ZSWIM6: variants seen among roughly 807,000 people sequenced by gnomAD.
ZSWIM6 encodes the protein zinc finger SWIM domain-containing protein 6.
Under a neutral mutation model 113.2 loss-of-function variants are expected in ZSWIM6, and 9 were observed. The ratio of observed to expected loss-of-function variants is 0.08; its 90% confidence interval spans 0.05 to 0.14. The LOEUF (loss-of-function observed/expected upper bound fraction) is 0.14. ZSWIM6 is among the 10% of genes least tolerant of loss of function. The pLI is 1.00. For synonymous variants in ZSWIM6, 611 were observed against 606.5 expected, an observed-to-expected ratio of 1.01 and a Z score of -0.11; for missense variants, 1,162 against 1,552.2, an observed-to-expected ratio of 0.75 and a Z score of 4.22.
intron 4 of ZSWIM6, among the ~76,000 whole-genome samples, chr5:61,500,285 C>T (rs1240415391): frequency 3.3e-5 from 5 of 151,862 alleles, no homozygotes; most frequent in African/African-American, 1.2e-4. Flanking sequence ...GGTTGCCACA[C>T]CTGGCTAATT....
chr5:61,346,121 T>G (rs1744653611), intron 1 of ZSWIM6, among the ~76,000 whole-genome samples: 1 of 150,792 alleles, frequency 6.6e-6, no homozygotes, highest in Non-Finnish European at 1.5e-5. Flanking sequence ...ATTTTTGTGT[T>G]TTTTTTTTAG....
intron 1 of ZSWIM6, among the ~76,000 whole-genome samples, chr5:61,348,227 A>G (rs1191267856): frequency 6.6e-6 from 1 of 152,162 alleles, no homozygotes; most frequent in African/African-American, 2.4e-5. Flanking sequence ...TCAAAAAAAC[A>G]AAAAACAAAA....
At chr5:61,352,455 T>C (rs1017530199) in intron 1 of ZSWIM6, among the ~76,000 whole-genome samples, 2 of 152,224 alleles carry the variant, frequency 1.3e-5, no homozygotes, top group African/African-American at 4.8e-5. Context: ...GGAAGTGGTG[T>C]TTTACTTTGG....
At chr5:61,496,724 A>G (rs1033602776) in intron 4 of ZSWIM6, among the ~76,000 whole-genome samples, 1 of 152,160 alleles carries the variant, frequency 6.6e-6, no homozygotes, top group Non-Finnish European at 1.5e-5. Flanking sequence ...CTGTGAGACA[A>G]TAGTGTTCCC....
At chr5:61,479,991 TAATA>T (rs1747812803) in intron 2 of ZSWIM6, among the ~76,000 whole-genome samples, 1 of 152,184 alleles carries the variant, frequency 6.6e-6, no homozygotes, top group African/African-American at 2.4e-5. Flanking sequence ...TGATCTCTTT[TAATA>T]AATCTGAAGA....
chr5:61,502,125 A>C (rs1307687041), intron 4 of ZSWIM6, among the ~76,000 whole-genome samples: 1 of 152,126 alleles, frequency 6.6e-6, no homozygotes, highest in Admixed American at 6.5e-5. Flanking sequence ...AAGTGGCAGC[A>C]TAGAAAAATT....
intron 1 of ZSWIM6, among the ~76,000 whole-genome samples, chr5:61,354,531 T>C (rs1278060142): frequency 6.6e-6 from 1 of 152,220 alleles, no homozygotes; most frequent in Non-Finnish European, 1.5e-5. Flanking sequence ...TATGTAATTA[T>C]CACACTACTC....
At chr5:61,531,867 C>T (rs2112277673) in intron 9 of ZSWIM6, 142 bp downstream of exon 9, 8 of 927,624 alleles carry the variant, frequency 8.6e-6, no homozygotes, top group Middle Eastern at 3.5e-4. Context: ...AAGACATGTT[C>T]GCTGTCTAAA....
At chr5:61,409,403 A>T (rs994237787) in intron 1 of ZSWIM6, among the ~76,000 whole-genome samples, 2 of 152,216 alleles carry the variant, frequency 1.3e-5, no homozygotes, top group Non-Finnish European at 2.9e-5. Context: ...CAAAAGATCA[A>T]AAAAGGAGAG....
intron 1 of ZSWIM6, among the ~76,000 whole-genome samples, chr5:61,374,337 A>G (rs572270226): frequency 1.3e-5 from 2 of 152,246 alleles, no homozygotes; most frequent in Admixed American, 6.5e-5. Flanking sequence ...AAACTCAGGG[A>G]ATCTGCTATT....
Position 61,429,132 on chromosome 5 carries a change from CTA to C in ZSWIM6, c.677-43548_677-43547del, listed in dbSNP as rs546214328. Among the ~76,000 whole-genome samples the C allele has an allele frequency of 3.5e-4, 54 of 152,364 alleles. 1 individual carries two copies. In the South Asian group the frequency reaches 8.7e-3, roughly 25 times the overall value. The stretch of plus-strand genomic sequence containing the variant: ...GTGTTGGGGGGACAGTCAAGTGTTG[CTA>C]CTCATTTGAGGTTCATATTCTGACA... On this transcript the variant is annotated intron_variant, in intron 1 of 13. Transcript: ENST00000252744.
At chr5:61,338,622 C>T (rs539763610) in intron 1 of ZSWIM6, among the ~76,000 whole-genome samples, 3 of 152,278 alleles carry the variant, frequency 2.0e-5, no homozygotes, top group South Asian at 2.1e-4. Context: ...ACTTAGTTCT[C>T]TGAAGGATAA....
At chr5:61,375,711 T>C in intron 1 of ZSWIM6, 1 of 1,547,362 alleles carries the variant, frequency 6.5e-7, no homozygotes, top group Non-Finnish European at 8.7e-7. Flanking sequence ...AATCAGAGTA[T>C]ATTGAGGAGG....
At chr5:61,371,662 G>A (rs905046863) in intron 1 of ZSWIM6, among the ~76,000 whole-genome samples, 5 of 152,150 alleles carry the variant, frequency 3.3e-5, no homozygotes, top group African/African-American at 1.2e-4. Context: ...TGTACCAGGC[G>A]TCCAGGGAGC....
At chr5:61,437,461 G>A (rs1247951926) in intron 1 of ZSWIM6, among the ~76,000 whole-genome samples, 1 of 152,010 alleles carries the variant, frequency 6.6e-6, no homozygotes, top group Admixed American at 6.6e-5. Context: ...GGTGGCTCAC[G>A]CCTGTAGTCC....
rs113858983 is a variant in ZSWIM6, at chr5:61,454,684, C to T, written c.677-17997C>T. Among the ~76,000 whole-genome samples the T allele has an allele frequency of 2.6e-4, 40 of 151,506 alleles. 1 individual carries two copies. Among genetic ancestry groups the T allele is most frequent in the African/African-American group, 9.7e-4 (40 of 41,250 alleles). ...GCAACCTCTGCCTCCCAGGTTCAAGCAATTGTCCTGCCTCAGCCTCCCAAG... is the reference window on the plus strand; with the variant it reads ...GCAACCTCTGCCTCCCAGGTTCAAGTAATTGTCCTGCCTCAGCCTCCCAAG... On this transcript the variant is annotated intron_variant, in intron 1 of 13. Coordinates refer to ENST00000252744, the MANE Select transcript of ZSWIM6 (RefSeq NM_020928.2).
At chr5:61,399,013 C>T (rs1745895819) in intron 1 of ZSWIM6, among the ~76,000 whole-genome samples, 1 of 147,140 alleles carries the variant, frequency 6.8e-6, no homozygotes, top group Non-Finnish European at 1.5e-5. Context: ...ACCTCCGCCT[C>T]CTGGTTTCAA....
At position 61,332,845 on chromosome 5, in the gene ZSWIM6, G is replaced by T; in HGVS notation, c.573G>T (p.Val191=). 9.2e-7 allele frequency: 1 copy of T among 1,087,300 alleles called. No individual in the cohort carries two copies. The highest frequency in any genetic ancestry group is 1.1e-6 in the Non-Finnish European group (1 of 888,224). 67.4% of individuals were successfully genotyped at this position (1,087,300 alleles called of 1,614,324 possible). A position where few individuals can be genotyped will look rare whatever the true frequency, so the allele number is the denominator to read the frequency against. The part of the protein sequence containing the change: ...AAAAGAGAPS[V]GAAGAADGGD... ...CCGCGGGGGCCGGGGCCCCGTCGGTGGGGGCTGCCGGGGCGGCGGACGGCG... is the reference window on the plus strand; with the variant it reads ...CCGCGGGGGCCGGGGCCCCGTCGGTTGGGGCTGCCGGGGCGGCGGACGGCG... Residue 191 remains valine (V), a synonymous_variant, in exon 1 of 14, where the codon GTG becomes GTT. Coordinates refer to ENST00000252744, the MANE Select transcript of ZSWIM6 (RefSeq NM_020928.2).
chr5:61,365,098 G>A (rs1285323168), intron 1 of ZSWIM6, among the ~76,000 whole-genome samples: 1 of 152,084 alleles, frequency 6.6e-6, no homozygotes, highest in African/African-American at 2.4e-5. Flanking sequence ...TATAATCCCA[G>A]GATTTTGGGA....
Sources: allele counts gnomAD v4.1 joint callset (sites outside exome capture counted in the v4.1 genomes callset), GRCh38; gene constraint gnomAD v4.1.1; transcripts MANE v1.5; gene names NCBI Gene and HGNC (gene_info 2026-07-23, HGNC 2026-07-21).